The following PPP2R5E variants were observed in gnomAD, a reference collection of about 807,000 sequenced individuals.
The protein encoded by PPP2R5E is protein phosphatase 2 regulatory subunit B'epsilon.
In PPP2R5E, 4 loss-of-function variants were observed where a neutral mutation model predicts 65.3. That is an observed-to-expected ratio of 0.06 (90% CI 0.03 to 0.14). PPP2R5E has a LOEUF of 0.14. Among genes scored for constraint, PPP2R5E ranks in the 10% least tolerant of loss-of-function variants. The pLI, the probability that PPP2R5E is intolerant of heterozygous loss-of-function variation, is 1.00. For synonymous variants in PPP2R5E, 183 were observed against 187.4 expected, an observed-to-expected ratio of 0.98 and a Z score of 0.19; for missense variants, 274 against 556.1, an observed-to-expected ratio of 0.49 and a Z score of 5.10.
intron 4 of PPP2R5E, among the ~76,000 whole-genome samples, chr14:63,416,353 C>G (rs922138469): frequency 6.6e-6 from 1 of 152,150 alleles, no homozygotes; most frequent in African/African-American, 2.4e-5. Context: ...ATGCCTAACT[C>G]TTTTCCTTAC....
intron 2 of PPP2R5E, among the ~76,000 whole-genome samples, chr14:63,474,746 A>G (rs1890321685): frequency 6.6e-6 from 1 of 151,332 alleles, no homozygotes; most frequent in African/African-American, 2.4e-5. Flanking sequence ...GGGGAAAAAA[A>G]GGAAGAAAAG....
At chr14:63,534,881 A>G (rs1444015338) in intron 2 of PPP2R5E, among the ~76,000 whole-genome samples, 1 of 152,122 alleles carries the variant, frequency 6.6e-6, no homozygotes, top group Non-Finnish European at 1.5e-5. Flanking sequence ...CTGTCTCCCT[A>G]TGTGCTGGGA....
intron 2 of PPP2R5E, among the ~76,000 whole-genome samples, chr14:63,495,765 A>G (rs1200187562): frequency 6.6e-6 from 1 of 151,596 alleles, no homozygotes; most frequent in African/African-American, 2.4e-5. Context: ...ATCATGGCTC[A>G]TTGCAGCCTC....
chr14:63,474,241 T>C (rs190298452), intron 2 of PPP2R5E, among the ~76,000 whole-genome samples: 16 of 152,004 alleles, frequency 1.1e-4, no homozygotes, highest in Non-Finnish European at 2.2e-4. Context: ...AATACAGAGG[T>C]GAAAAGTGAC....
chr14:63,538,356 T>C (rs985256652), intron 2 of PPP2R5E, among the ~76,000 whole-genome samples: 12 of 151,354 alleles, frequency 7.9e-5, no homozygotes, highest in African/African-American at 2.2e-4. Flanking sequence ...TGCCTCCCGG[T>C]TCAAGCAATT....
intron 2 of PPP2R5E, among the ~76,000 whole-genome samples, chr14:63,483,641 G>A (rs1011694190): frequency 1.6e-4 from 25 of 152,124 alleles, no homozygotes; most frequent in African/African-American, 5.8e-4. Flanking sequence ...TGGGGTCCAA[G>A]GGAGCACACT....
At chr14:63,455,736 C>T (rs577206284) in intron 2 of PPP2R5E, among the ~76,000 whole-genome samples, 1 of 152,268 alleles carries the variant, frequency 6.6e-6, no homozygotes, top group East Asian at 1.9e-4. Flanking sequence ...ACAGGACCAT[C>T]ACAGTTAATT....
intron 2 of PPP2R5E, among the ~76,000 whole-genome samples, chr14:63,489,655 C>T (rs1041806118): frequency 6.6e-6 from 1 of 151,974 alleles, no homozygotes; most frequent in African/African-American, 2.4e-5. Context: ...AGCAATCTGC[C>T]CTCTGGCCTT....
intron 2 of PPP2R5E, among the ~76,000 whole-genome samples, chr14:63,468,857 A>T (rs1306252147): frequency 6.6e-6 from 1 of 152,208 alleles, no homozygotes; most frequent in Non-Finnish European, 1.5e-5. Context: ...TTAACCTCCC[A>T]CTAAAATAAC....
At chr14:63,462,884 C>T (rs1467381519) in intron 2 of PPP2R5E, among the ~76,000 whole-genome samples, 1 of 151,878 alleles carries the variant, frequency 6.6e-6, no homozygotes, top group Non-Finnish European at 1.5e-5. Flanking sequence ...GGGCAGATCA[C>T]CTGAGGTCGG....
At chr14:63,484,676 G>A (rs1890895093) in intron 2 of PPP2R5E, among the ~76,000 whole-genome samples, 1 of 152,184 alleles carries the variant, frequency 6.6e-6, no homozygotes. Context: ...GGGAAGGCCA[G>A]ACACAGTAAG....
At chr14:63,389,522 T>A in intron 11 of PPP2R5E, 90 bp downstream of exon 11, 1 of 1,380,274 alleles carries the variant, frequency 7.2e-7, no homozygotes, top group Non-Finnish European at 9.7e-7. Flanking sequence ...AAACAATAGG[T>A]AGCTAGGGTC....
intron 2 of PPP2R5E, among the ~76,000 whole-genome samples, chr14:63,491,674 C>T (rs934965998): frequency 2.0e-5 from 3 of 151,978 alleles, no homozygotes; most frequent in African/African-American, 4.8e-5. Context: ...ATGGGAAAAC[C>T]CCGTCTCTGC....
At chr14:63,506,541 C>G (rs1892190937) in intron 2 of PPP2R5E, among the ~76,000 whole-genome samples, 1 of 152,114 alleles carries the variant, frequency 6.6e-6, no homozygotes, top group Non-Finnish European at 1.5e-5. Flanking sequence ...AGAAGATACA[C>G]AAATGGCCAG....
chr14:63,530,377 C>T (rs1015754323), intron 2 of PPP2R5E, among the ~76,000 whole-genome samples: 2 of 151,478 alleles, frequency 1.3e-5, no homozygotes, highest in East Asian at 2.0e-4. Flanking sequence ...GGACTACAGG[C>T]GCGTGCCACC....
chr14:63,381,631 T>A (rs1158939073), intron 13 of PPP2R5E, among the ~76,000 whole-genome samples: 1 of 152,178 alleles, frequency 6.6e-6, no homozygotes, highest in Non-Finnish European at 1.5e-5. Context: ...AATGAATATA[T>A]AAATACAGTC....
intron 3 of PPP2R5E, among the ~76,000 whole-genome samples, chr14:63,450,849 G>A (rs60718424): frequency 0.038 from 5,809 of 151,320 alleles, 360 homozygotes; most frequent in African/African-American, 0.13. Context: ...ACTGAAGGAA[G>A]GAAAAAGCAC....
In PPP2R5E at chr14:63,421,052, CAAAAAAAAAAAAAAAAAAA is replaced by C. The variant is rs56297942; in HGVS notation, c.456+922_456+940del. On this transcript the variant is annotated intron_variant, in intron 4 of 13. Coordinates refer to ENST00000337537, the MANE Select transcript of PPP2R5E (RefSeq NM_006246.5). ...TGGGCGACAGAGCGAGACTCCGTCTCAAAAAAAAAAAAAAAAAAAAAAAAAAAAAAAAAAAAAGTCAACC... is the reference window on the plus strand; with the variant it reads ...TGGGCGACAGAGCGAGACTCCGTCTCAAAAAAAAAAAAAAAAAAGTCAACC... Among the ~76,000 whole-genome samples, 28 of 10,292 alleles carry C rather than the reference CAAAAAAAAAAAAAAAAAAA, an allele frequency of 2.7e-3. 1 individual carries two copies. The highest frequency in any genetic ancestry group is 0.016 in the South Asian group (3 of 182). 6.8% of individuals were successfully genotyped at this position (10,292 alleles called of 152,430 possible).
chr14:63,440,135 CAG>C (rs1316888226), intron 3 of PPP2R5E, among the ~76,000 whole-genome samples: 1 of 152,048 alleles, frequency 6.6e-6, no homozygotes, highest in African/African-American at 2.4e-5. Flanking sequence ...AAGGGTGGGG[CAG>C]AGAGAGAAGT....
Sources: allele counts gnomAD v4.1 joint callset (sites outside exome capture counted in the v4.1 genomes callset), GRCh38; gene constraint gnomAD v4.1.1; transcripts MANE v1.5; gene names NCBI Gene and HGNC (gene_info 2026-07-23, HGNC 2026-07-21).